Variants in CHIA observed in about 807,000 individuals in gnomAD.
CHIA encodes chitinase acidic, also known as acidic mammalian chitinase.
Under a neutral mutation model 53.5 loss-of-function variants are expected in CHIA, and 47 were observed. That is an observed-to-expected ratio of 0.88 (90% CI 0.70 to 1.12). The LOEUF (loss-of-function observed/expected upper bound fraction) is 1.12, where lower values mean the gene tolerates loss of function less well. Among genes scored for constraint, CHIA ranks in the 50% most tolerant of loss-of-function variants. The pLI is 0.00. For synonymous variants in CHIA, 268 were observed against 222.2 expected (o/e 1.21, Z -1.83); for missense variants, 652 against 592.2 (o/e 1.10, Z -1.05).
Position 111,314,694 on chromosome 1 carries a change from G to C in CHIA, c.314+98G>C, listed in dbSNP as rs541136869. 7 of 803,320 alleles carry C rather than the reference G, an allele frequency of 8.7e-6. 1 individual carries two copies. The South Asian group carries it at 1.1e-4, about 12-fold the overall frequency. The allele number at this position is 803,320 out of a possible 1,614,324, so 49.8% of individuals were successfully genotyped here. A position where few individuals can be genotyped will look rare whatever the true frequency, so the allele number is the denominator to read the frequency against. ...TTTAGACTTCACAATCTAAGACAGGGTATTGAGGATGTACATAAACAAATA... is the reference window on the plus strand; with the variant it reads ...TTTAGACTTCACAATCTAAGACAGGCTATTGAGGATGTACATAAACAAATA... On this transcript the variant is annotated intron_variant, in intron 5 of 11. Coordinates refer to ENST00000369740, the MANE Select transcript of CHIA (RefSeq NM_201653.4).
At chr1:111,305,271 A>C (rs1030453368) in intron 1 of CHIA, among the ~76,000 whole-genome samples, 1 of 152,194 alleles carries the variant, frequency 6.6e-6, no homozygotes, top group Non-Finnish European at 1.5e-5. Flanking sequence ...AAAATAAAGG[A>C]AAGATAAGAA....
chr1:111,304,981 C>T (rs1216283906), intron 1 of CHIA, among the ~76,000 whole-genome samples: 4 of 151,998 alleles, frequency 2.6e-5, no homozygotes, highest in Admixed American at 2.6e-4. Context: ...TCAGGCTGGC[C>T]TCAAACTACT....
At chr1:111,293,118 C>T (rs1661125922) in intron 1 of CHIA, among the ~76,000 whole-genome samples, 1 of 152,084 alleles carries the variant, frequency 6.6e-6, no homozygotes, top group African/African-American at 2.4e-5. Flanking sequence ...ATTGCTGGAT[C>T]ATATGGTAAT....
At chr1:111,298,233 A>G (rs12402658) in intron 1 of CHIA, among the ~76,000 whole-genome samples, 42,319 of 152,114 alleles carry the variant, frequency 0.28, 6,165 homozygotes, top group East Asian at 0.36. Context: ...TCAGCTCTGC[A>G]CTAAGCAGAC....
chr1:111,308,002 A>G (rs1014512778), intron 1 of CHIA, among the ~76,000 whole-genome samples: 2 of 152,174 alleles, frequency 1.3e-5, no homozygotes, highest in Non-Finnish European at 2.9e-5. Context: ...AATTAAAGAA[A>G]CTAAAAATAA....
intron 11 of CHIA, among the ~76,000 whole-genome samples, chr1:111,319,766 C>T (rs1371480315): frequency 6.6e-6 from 1 of 152,218 alleles, no homozygotes; most frequent in Non-Finnish European, 1.5e-5. Flanking sequence ...CTCTATGAAT[C>T]CCTTATTCAA....
chr1:111,315,258 G>C lies in CHIA; in HGVS notation c.315-12G>C. 1.2e-6 allele frequency: 2 copies of C among 1,609,040 alleles called. No individual in the cohort carries two copies. The highest frequency in any genetic ancestry group is 1.7e-6 in the Non-Finnish European group (2 of 1,177,474). On this transcript the variant is annotated splice_polypyrimidine_tract_variant and intron_variant, in intron 5 of 11. Transcript: ENST00000369740. ...CCAAGGTCTCACCCTGCCTTCTTTG[G>C]GTCTCCCTCAGTTTCACTGCCATGG...
intron 6 of CHIA, 143 bp from the exon 7 acceptor site, chr1:111,317,538 G>A (rs962759189): frequency 1.2e-6 from 1 of 846,196 alleles, no homozygotes; most frequent in African/African-American, 1.7e-5. Flanking sequence ...TACTTTATTT[G>A]GTTGTTGAGA....
At chr1:111,311,331 C>T (rs1648652313) in intron 2 of CHIA, among the ~76,000 whole-genome samples, 1 of 152,190 alleles carries the variant, frequency 6.6e-6, no homozygotes, top group Non-Finnish European at 1.5e-5. Context: ...TGTTGGAAGG[C>T]TGTGTTCTAT....
intron 8 of CHIA, 38 bp downstream of exon 8, chr1:111,318,147 G>T: frequency 6.6e-7 from 1 of 1,518,876 alleles, no homozygotes; most frequent in Non-Finnish European, 9.0e-7. Flanking sequence ...GACCAGAGAT[G>T]ATGATGAAAA....
rs756560380 is a variant in CHIA at position 111,312,219 on chromosome 1, A to C, written c.85A>C (p.Thr29Pro). ...TGCCTACCAGCTGACATGCTACTTC[A>C]CCAACTGGGCCCAGTACCGGCCAGG... ...GSAYQLTCYF[T>P]NWAQYRPGLG... The change falls in exon 4 of 12, where the codon ACC becomes CCC. Residue 29 changes from threonine (T) to proline (P), a missense_variant. Transcript: ENST00000369740. 74 of 1,613,886 alleles carry C rather than the reference A, an allele frequency of 4.6e-5. No homozygotes were observed. Among genetic ancestry groups the C allele is most frequent in the Non-Finnish European group, 5.7e-5 (67 of 1,179,980 alleles).
At chr1:111,296,835 T>C (rs1218677659) in intron 1 of CHIA, among the ~76,000 whole-genome samples, 2 of 152,176 alleles carry the variant, frequency 1.3e-5, no homozygotes, top group South Asian at 2.1e-4. Flanking sequence ...GAAAAAAGGT[T>C]AGACGAATGG....
intron 1 of CHIA, among the ~76,000 whole-genome samples, chr1:111,298,253 A>G (rs981048059): frequency 6.6e-6 from 1 of 152,230 alleles, no homozygotes; most frequent in Non-Finnish European, 1.5e-5. Flanking sequence ...CCTAATAGAC[A>G]TCTGCAGAAC....
At chr1:111,318,804 G>A (rs1649399648) in intron 9 of CHIA, 126 bp downstream of exon 9, 2 of 1,066,136 alleles carry the variant, frequency 1.9e-6, no homozygotes, top group African/African-American at 3.2e-5. Flanking sequence ...GCTGCTTAAA[G>A]TGTTTAAATA....
intron 1 of CHIA, among the ~76,000 whole-genome samples, chr1:111,297,747 G>A (rs886785494): frequency 6.6e-6 from 1 of 151,870 alleles, no homozygotes; most frequent in Admixed American, 6.6e-5. Context: ...ATGTAAATGG[G>A]CTAACTGCCC....
chr1:111,303,756 A>G (rs538140147), intron 1 of CHIA, among the ~76,000 whole-genome samples: 1 of 152,196 alleles, frequency 6.6e-6, no homozygotes, highest in Non-Finnish European at 1.5e-5. Context: ...TATGTGGAGA[A>G]CAAAAAGTGG....
At chr1:111,305,233 T>A (rs1221403438) in intron 1 of CHIA, among the ~76,000 whole-genome samples, 2 of 152,212 alleles carry the variant, frequency 1.3e-5, no homozygotes, top group East Asian at 3.8e-4. Context: ...TAGTGTTTGA[T>A]GTCTGGCTTC....
Position 111,305,639 on chromosome 1 carries a change from T to C in CHIA, c.-68-4761T>C, listed in dbSNP as rs754599322. 3.9e-5 allele frequency among the ~76,000 whole-genome samples: 6 copies of C among 152,346 alleles called. No homozygotes were observed. The South Asian group carries it at 1.0e-3, about 26-fold the overall frequency. ...TTCTTCTGAAGTTGCAAGCCTTTAATAGACTCTAGAGTTCCAAAGTAGTTG... is the reference window on the plus strand; with the variant it reads ...TTCTTCTGAAGTTGCAAGCCTTTAACAGACTCTAGAGTTCCAAAGTAGTTG... On this transcript the variant is annotated intron_variant, in intron 1 of 11. Transcript: ENST00000369740.
intron 3 of CHIA, 47 bp from the exon 4 acceptor site, chr1:111,312,143 A>G (rs769930181): frequency 2.0e-6 from 3 of 1,496,084 alleles, no homozygotes; most frequent in South Asian, 1.1e-5. Flanking sequence ...AGCACACTTC[A>G]GTGGATCCTA....
Sources: allele counts gnomAD v4.1 joint callset (sites outside exome capture counted in the v4.1 genomes callset), GRCh38; gene constraint gnomAD v4.1.1; transcripts MANE v1.5; gene names NCBI Gene and HGNC (gene_info 2026-07-23, HGNC 2026-07-21).